The following FTCD variants were observed in gnomAD, a reference collection of about 807,000 sequenced individuals.
FTCD encodes formimidoyltransferase cyclodeaminase.
In FTCD, 76 loss-of-function variants were observed where a neutral mutation model predicts 62.9. The ratio of observed to expected loss-of-function variants is 1.21; its 90% CI spans 1.00 to 1.46. The LOEUF is 1.46. Among genes scored for constraint, FTCD ranks in the 40% most tolerant of loss-of-function variants. FTCD has a pLI of 0.00. For synonymous variants in FTCD, 397 were observed against 336.9 expected, an observed-to-expected ratio of 1.18 and a Z score of -1.95; for missense variants, 845 against 751.3, an observed-to-expected ratio of 1.12 and a Z score of -1.46.
rs111527650 is a variant in FTCD at position 46,142,391 on chromosome 21, C to T, written c.1260+3026G>A. 86 of 129,324 alleles carry T rather than the reference C, an allele frequency of 6.6e-4. 1 individual carries two copies. The highest frequency in any genetic ancestry group is 2.5e-3 in the African/African-American group (80 of 32,150). 8.0% of individuals were successfully genotyped at this position (129,324 alleles called of 1,614,324 possible). A position where few individuals can be genotyped will look rare whatever the true frequency, so the allele number is the denominator to read the frequency against. On this transcript the variant is annotated intron_variant, in intron 10 of 13. Coordinates refer to ENST00000397746, the MANE Select transcript of FTCD (RefSeq NM_206965.2). ...GCGTCGGGAGCTGTTTCTTCCTCCCCGTGAGGCCGCCGACCTTCACAGTGA... is the reference window on the plus strand; with the variant it reads ...GCGTCGGGAGCTGTTTCTTCCTCCCTGTGAGGCCGCCGACCTTCACAGTGA...
In FTCD at chr21:46,145,807, C is replaced by T. The variant is rs2079132036; in HGVS notation, c.1098+11G>A. On this transcript the variant is annotated intron_variant, in intron 9 of 13. Coordinates refer to ENST00000397746, the MANE Select transcript of FTCD (RefSeq NM_206965.2). ...CAACTGCGCCTCCCCTGCCCCTCCC[C>T]CCGCGCTCACCATGGCCGCAGCGGC... is the stretch of plus-strand genomic sequence containing the variant. 2.6e-6 allele frequency: 2 copies of T among 756,226 alleles called. No homozygotes were observed. Among genetic ancestry groups the T allele is most frequent in the East Asian group, 7.2e-5 (2 of 27,866 alleles). 46.8% of individuals were successfully genotyped at this position (756,226 alleles called of 1,614,324 possible). A position where few individuals can be genotyped will look rare whatever the true frequency, so the allele number is the denominator to read the frequency against.
intron 1 of FTCD, 119 bp from the exon 2 acceptor site, chr21:46,154,451 G>A: frequency 8.0e-7 from 1 of 1,254,858 alleles, no homozygotes; most frequent in Non-Finnish European, 1.1e-6. Context: ...CCAAGCCTTT[G>A]GGGGCTCTCC....
At chr21:46,143,557 C>A (rs1057038194) in intron 10 of FTCD, among the ~76,000 whole-genome samples, 1 of 152,188 alleles carries the variant, frequency 6.6e-6, no homozygotes, top group Non-Finnish European at 1.5e-5. Context: ...TTATAATAAT[C>A]TTTGCTCTGC....
rs757018205 is a variant in FTCD, at chr21:46,137,109, C to T, written c.1540-36G>A. On this transcript the variant is annotated intron_variant, in intron 13 of 13. Transcript: ENST00000397746. ...CAGGGAAAGAGGGGTCTGGTAGTTC[C>T]AGTCTTCAGCCCAGCTTGCTGGGCA... 6 of 1,613,096 alleles carry T rather than the reference C, an allele frequency of 3.7e-6. No individual in the cohort carries two copies. The Admixed American group carries it at 8.3e-5, about 22-fold the overall frequency.
intron 12 of FTCD, among the ~76,000 whole-genome samples, chr21:46,137,585 G>A (rs79864169): frequency 0.013 from 2,016 of 150,312 alleles, 20 homozygotes; most frequent in Non-Finnish European, 0.021. Context: ...GAGGCTCTCC[G>A]CCACTCTAGG....
intron 7 of FTCD, chr21:46,146,767 G>A (rs2079157496): frequency 5.2e-6 from 1 of 192,968 alleles, no homozygotes; most frequent in Non-Finnish European, 1.1e-5. Context: ...ACATAAACTT[G>A]TATGCCACAA....
At chr21:46,138,986 G>C in intron 10 of FTCD, 63 bp from the exon 11 acceptor site, 1 of 1,250,816 alleles carries the variant, frequency 8.0e-7, no homozygotes, top group South Asian at 1.2e-5. Flanking sequence ...TGCCCTCTGA[G>C]CTCCCACAAG....
rs762959729 is a variant in FTCD at position 46,154,264 on chromosome 21, G to A, written c.123C>T (p.Gly41=). The change falls in exon 2 of 14, where the codon GGC becomes GGT. Residue 41 remains glycine (G), a synonymous_variant. Coordinates refer to ENST00000397746, the MANE Select transcript of FTCD (RefSeq NM_206965.2). ...TGTACACGGTGCGGTTGGTGGAAGG[G>A]CCTGCGTCCACATCCAGCAGCACGC... The part of the protein sequence containing the change: ...PGCVLLDVDA[G]PSTNRTVYTF... The A allele has an allele frequency of 2.5e-6, 4 of 1,612,502 alleles. No individual in the cohort carries two copies. The highest frequency in any genetic ancestry group is 3.4e-6 in the Non-Finnish European group (4 of 1,179,924).
At chr21:46,139,819 G>A (rs934897597) in intron 10 of FTCD, among the ~76,000 whole-genome samples, 1 of 152,190 alleles carries the variant, frequency 6.6e-6, no homozygotes, top group African/African-American at 2.4e-5. Flanking sequence ...GTCTGTAGCA[G>A]TTGCAGGCGG....
chr21:46,152,677 T>C (rs564663356), intron 3 of FTCD: 2 of 474,076 alleles, frequency 4.2e-6, no homozygotes, highest in Non-Finnish European at 7.5e-6. Flanking sequence ...TTGGTTTGCC[T>C]GTGCAGCTGC....
chr21:46,142,682 C>G (rs888237115), intron 10 of FTCD: 1 of 152,244 alleles, frequency 6.6e-6, no homozygotes, highest in East Asian at 1.9e-4. Context: ...GCCCCCACAG[C>G]TTGGAACAGA....
intron 2 of FTCD, 78 bp from the exon 3 acceptor site, chr21:46,153,113 T>TG (rs1292250747): frequency 6.9e-7 from 1 of 1,438,998 alleles, no homozygotes; most frequent in Admixed American, 2.1e-5. Context: ...TCGGACCCTC[T>TG]GTCCTCTCCG....
chr21:46,151,017 C>T (rs888044134), intron 5 of FTCD, among the ~76,000 whole-genome samples: 2 of 152,208 alleles, frequency 1.3e-5, no homozygotes, highest in African/African-American at 4.8e-5. Context: ...GTCGGGAAGC[C>T]GGGTCCCAGG....
At chr21:46,138,016 C>A (rs2078909132) in intron 12 of FTCD, among the ~76,000 whole-genome samples, 1 of 152,218 alleles carries the variant, frequency 6.6e-6, no homozygotes, top group South Asian at 2.1e-4. Context: ...CCTGCCTCAG[C>A]CTCCCAAGTA....
intron 4 of FTCD, 46 bp from the exon 5 acceptor site, chr21:46,151,783 AACAG>A (rs765099997): frequency 1.9e-6 from 3 of 1,606,654 alleles, no homozygotes; most frequent in Non-Finnish European, 1.7e-6. Context: ...CACGGGAGGG[AACAG>A]CCCCCCGGGG....
intron 1 of FTCD, among the ~76,000 whole-genome samples, chr21:46,154,868 C>CT (rs1442254279): frequency 6.6e-6 from 1 of 152,236 alleles, no homozygotes; most frequent in Admixed American, 6.5e-5. Context: ...CGGGTGACCC[C>CT]TGTGGCCTGG....
chr21:46,154,923 T>C (rs943038968), intron 1 of FTCD, among the ~76,000 whole-genome samples: 1 of 152,188 alleles, frequency 6.6e-6, no homozygotes, highest in African/African-American at 2.4e-5. Flanking sequence ...AGGGCCTGCG[T>C]TTGTTCCCGG....
Position 46,151,745 on chromosome 21 carries a change from C to G in FTCD, c.457-8G>C. The G allele has an allele frequency of 6.2e-7, 1 of 1,612,584 alleles. No individual in the cohort carries two copies. Among genetic ancestry groups the G allele is most frequent in the Non-Finnish European group, 8.5e-7 (1 of 1,179,930 alleles). On this transcript the variant is annotated splice_polypyrimidine_tract_variant and splice_region_variant and intron_variant, in intron 4 of 13. Coordinates refer to ENST00000397746, the MANE Select transcript of FTCD (RefSeq NM_206965.2). ...CCAGTCGGCCTGCTGGAGCTGTGAG[C>G]AAGTTCGCTCTGGGGTGAGACATCC... is the stretch of plus-strand genomic sequence containing the variant.
chr21:46,147,445 A>C (rs896891158), intron 7 of FTCD, among the ~76,000 whole-genome samples: 1 of 152,234 alleles, frequency 6.6e-6, no homozygotes, highest in Admixed American at 6.5e-5. Context: ...CACAAGCGCC[A>C]GCACAAACCC....
Sources: allele counts gnomAD v4.1 joint callset (sites outside exome capture counted in the v4.1 genomes callset), GRCh38; gene constraint gnomAD v4.1.1; transcripts MANE v1.5; gene names NCBI Gene and HGNC (gene_info 2026-07-23, HGNC 2026-07-21).